PAPPA2: variants seen among roughly 807,000 people sequenced by gnomAD.
PAPPA2 encodes pappalysin-2.
In PAPPA2, 86 loss-of-function variants were observed where a neutral mutation model predicts 176.4. That is an observed-to-expected ratio of 0.49 (90% CI 0.41 to 0.58). PAPPA2 has a LOEUF of 0.58. Ranked by LOEUF, PAPPA2 falls within the 20% of genes least tolerant of loss-of-function variation. The pLI is 0.00. For missense variants in PAPPA2, 2,073 were observed against 2,256.9 expected (o/e 0.92, Z 1.65); for synonymous variants, 809 against 852.2 (o/e 0.95, Z 0.88).
intron 21 of PAPPA2, among the ~76,000 whole-genome samples, chr1:176,816,119 G>A (rs1324824040): frequency 7.4e-6 from 1 of 134,734 alleles, no homozygotes; most frequent in Non-Finnish European, 1.6e-5. Context: ...CTTATTGATT[G>A]TGGGATCCTG....
intron 1 of PAPPA2, among the ~76,000 whole-genome samples, chr1:176,487,529 C>T (rs1232802410): frequency 6.6e-6 from 1 of 152,070 alleles, no homozygotes; most frequent in Non-Finnish European, 1.5e-5. Context: ...CAGAAATAGC[C>T]AAGTGGGTGG....
intron 1 of PAPPA2, among the ~76,000 whole-genome samples, chr1:176,465,771 A>T (rs1379668804): frequency 2.0e-5 from 3 of 149,380 alleles, no homozygotes; most frequent in Non-Finnish European, 4.4e-5. Flanking sequence ...CCCATTAGTT[A>T]TTTTTCCTGA....
At chr1:176,504,707 C>A (rs1648157743) in intron 1 of PAPPA2, among the ~76,000 whole-genome samples, 1 of 152,122 alleles carries the variant, frequency 6.6e-6, no homozygotes, top group South Asian at 2.1e-4. Flanking sequence ...ACTTTATATT[C>A]TTGGCTTATT....
chr1:176,565,918 C>T (rs1014172130), intron 2 of PAPPA2, among the ~76,000 whole-genome samples: 3 of 152,130 alleles, frequency 2.0e-5, no homozygotes, highest in African/African-American at 7.2e-5. Context: ...AAGGTATCCT[C>T]AGATGGGCCT....
intron 12 of PAPPA2, among the ~76,000 whole-genome samples, chr1:176,738,998 G>T (rs1175903668): frequency 6.6e-6 from 1 of 151,972 alleles, no homozygotes; most frequent in Non-Finnish European, 1.5e-5. Flanking sequence ...TCCTGGCCGG[G>T]GACTGGGTAT....
chr1:176,628,971 C>T (rs1297307794), intron 3 of PAPPA2, among the ~76,000 whole-genome samples: 1 of 152,200 alleles, frequency 6.6e-6, no homozygotes, highest in Non-Finnish European at 1.5e-5. Flanking sequence ...TTAAGGCCTT[C>T]ACCGGCAATG....
intron 12 of PAPPA2, among the ~76,000 whole-genome samples, chr1:176,737,131 C>T (rs529653657): frequency 6.6e-6 from 1 of 151,852 alleles, no homozygotes; most frequent in African/African-American, 2.4e-5. Flanking sequence ...AGTGACCATT[C>T]TATGTATTTT....
intron 3 of PAPPA2, among the ~76,000 whole-genome samples, chr1:176,661,483 C>A (rs1658358432): frequency 6.6e-6 from 1 of 150,922 alleles, no homozygotes; most frequent in Admixed American, 6.7e-5. Flanking sequence ...TGCTGCCCAG[C>A]AGCTGTCTGG....
At chr1:176,832,338 G>A (rs1437524528) in intron 21 of PAPPA2, among the ~76,000 whole-genome samples, 1 of 152,074 alleles carries the variant, frequency 6.6e-6, no homozygotes. Flanking sequence ...TCTGAGCATA[G>A]GTTTATGTAA....
chr1:176,708,051 CT>C (rs35404910), intron 10 of PAPPA2, among the ~76,000 whole-genome samples: 37,921 of 152,034 alleles, frequency 0.25, 4,886 homozygotes, highest in South Asian at 0.33. Context: ...AACACAACCT[CT>C]GTTAGCATTA....
In PAPPA2 at chr1:176,495,841, C is replaced by G. The variant is rs868539003; in HGVS notation, c.-917+32423C>G. 1.1e-3 allele frequency among the ~76,000 whole-genome samples: 169 copies of G among 150,708 alleles called. 1 individual carries two copies. The highest frequency in any genetic ancestry group is 3.9e-3 in the African/African-American group (158 of 40,916). Reference sequence around the variant, plus strand: ...AGAGATGGGTGGTGCGATCATAGCTCACTGCAGCCTCAAACTCCTGGGCTC... The same window carrying G: ...AGAGATGGGTGGTGCGATCATAGCTGACTGCAGCCTCAAACTCCTGGGCTC... On this transcript the variant is annotated intron_variant, in intron 1 of 22. Transcript: ENST00000367662.
chr1:176,557,921 A>T (rs904937003), intron 2 of PAPPA2, among the ~76,000 whole-genome samples: 4 of 152,232 alleles, frequency 2.6e-5, no homozygotes, highest in Non-Finnish European at 4.4e-5. Flanking sequence ...GACCTAAAAA[A>T]TGAAACTTTT....
At chr1:176,729,156 A>C (rs1662015545) in intron 12 of PAPPA2, among the ~76,000 whole-genome samples, 1 of 151,712 alleles carries the variant, frequency 6.6e-6, no homozygotes, top group East Asian at 1.9e-4. Flanking sequence ...TATATTCAAC[A>C]TTTGTTTTTG....
intron 1 of PAPPA2, among the ~76,000 whole-genome samples, chr1:176,536,009 C>A (rs1650048324): frequency 6.6e-6 from 1 of 152,160 alleles, no homozygotes; most frequent in African/African-American, 2.4e-5. Flanking sequence ...ACATGGCTAG[C>A]ATCTCAGCTG....
intron 1 of PAPPA2, among the ~76,000 whole-genome samples, chr1:176,464,773 C>T (rs1651536680): frequency 6.6e-6 from 1 of 152,060 alleles, no homozygotes; most frequent in African/African-American, 2.4e-5. Flanking sequence ...TAAAGCATTC[C>T]AAATCATATA....
At chr1:176,776,096 C>T (rs533570177) in intron 17 of PAPPA2, among the ~76,000 whole-genome samples, 1 of 152,244 alleles carries the variant, frequency 6.6e-6, no homozygotes, top group East Asian at 1.9e-4. Flanking sequence ...ATTAATCACT[C>T]CTCTGCTGTT....
chr1:176,699,473 C>T lies in PAPPA2; in HGVS notation c.3120C>T (p.Pro1040=). ...EIDAALLTSQ[P]HSPLCSGCRP... is the part of the protein sequence containing the mutation. ...ATGCAGCACTCCTGACTTCTCAGCC[C>T]CACAGTCCCTTGTGCTCTGGCTGCA... The change falls in exon 8 of 23, where the codon CCC becomes CCT. Residue 1040 remains proline, a synonymous_variant. Transcript: ENST00000367662. The T allele has an allele frequency of 6.2e-7, 1 of 1,614,040 alleles. No individual in the cohort carries two copies. The highest frequency in any genetic ancestry group is 8.5e-7 in the Non-Finnish European group (1 of 1,180,000).
Position 176,616,403 on chromosome 1 carries a change from T to C in PAPPA2, c.1991+20808T>C, listed in dbSNP as rs888493848. ...TCCGCTTTTGTCCTATGAATTGTAC[T>C]GCATCTTCATGTTTCATTCCACCTT... On this transcript the variant is annotated intron_variant, in intron 3 of 22. Transcript: ENST00000367662. 2.1e-5 allele frequency: 13 copies of C among 611,936 alleles called. No homozygotes were observed. In the African/African-American group the frequency reaches 2.4e-4, roughly 11 times the overall value. The allele number at this position is 611,936 out of a possible 1,614,324, so 37.9% of individuals were successfully genotyped here.
intron 21 of PAPPA2, among the ~76,000 whole-genome samples, chr1:176,807,959 T>A (rs999298793): frequency 1.3e-5 from 2 of 152,168 alleles, no homozygotes; most frequent in Non-Finnish European, 2.9e-5. Flanking sequence ...TTAGTAGATA[T>A]GTTATTCTGA....
Sources: gnomAD v4.1 joint callset for allele counts (sites outside exome capture counted in the v4.1 genomes callset) on GRCh38, gnomAD v4.1.1 for gene constraint, MANE v1.5 for transcripts, NCBI Gene and HGNC (gene_info 2026-07-23, HGNC 2026-07-21) for gene names.